PRKCE: variants seen among roughly 807,000 people sequenced by gnomAD.
The protein encoded by PRKCE is protein kinase C epsilon.
In PRKCE, 16 loss-of-function variants were observed where a neutral mutation model predicts 85.4. That is an observed-to-expected ratio of 0.19 (90% CI 0.13 to 0.28). The LOEUF is 0.28. Among genes scored for constraint, PRKCE ranks in the 10% least tolerant of loss-of-function variants. PRKCE has a pLI of 1.00. For synonymous variants in PRKCE, 388 were observed against 371.5 expected (o/e 1.04, Z -0.51); for missense variants, 573 against 975.2 (o/e 0.59, Z 5.49).
chr2:45,656,274 C>A (rs1469435422), intron 1 of PRKCE, among the ~76,000 whole-genome samples: 1 of 152,156 alleles, frequency 6.6e-6, no homozygotes, highest in East Asian at 1.9e-4. Context: ...CAGGGCTCTA[C>A]AATACAGAAA....
rs149847455 is a variant in PRKCE at position 45,833,979 on chromosome 2, C to T, written c.349-9021C>T. On this transcript the variant is annotated intron_variant, in intron 1 of 14. Transcript: ENST00000306156. ...TACACACTCTCCACATTAGTTTAGGCACTTTTGGATGTTTTCTCAGCTCAA... is the reference window on the plus strand; with the variant it reads ...TACACACTCTCCACATTAGTTTAGGTACTTTTGGATGTTTTCTCAGCTCAA... Among the ~76,000 whole-genome samples, 4 of 152,340 alleles carry T rather than the reference C, an allele frequency of 2.6e-5. No individual in the cohort carries two copies. The East Asian group carries it at 7.7e-4, about 29-fold the overall frequency.
intron 2 of PRKCE, among the ~76,000 whole-genome samples, chr2:45,867,282 G>T (rs1027426599): frequency 1.3e-5 from 2 of 152,192 alleles, no homozygotes; most frequent in Non-Finnish European, 2.9e-5. Flanking sequence ...TTGGAATAGG[G>T]TCGCCAGGAT....
intron 1 of PRKCE, among the ~76,000 whole-genome samples, chr2:45,815,527 C>G (rs914029761): frequency 6.6e-6 from 1 of 152,166 alleles, no homozygotes; most frequent in Non-Finnish European, 1.5e-5. Context: ...CTTCCTCGGT[C>G]CCCTCCATTA....
chr2:45,730,792 G>C (rs1025258379), intron 1 of PRKCE, among the ~76,000 whole-genome samples: 3 of 152,066 alleles, frequency 2.0e-5, no homozygotes, highest in African/African-American at 7.2e-5. Context: ...AGAGCTACCA[G>C]TTTCTTTTCT....
rs191769009 is a variant in PRKCE, at chr2:46,118,401, T to C, written c.1593-26692T>C. Among the ~76,000 whole-genome samples, 13 of 152,310 alleles carry C rather than the reference T, an allele frequency of 8.5e-5. No homozygotes were observed. In the East Asian group the frequency reaches 2.5e-3, roughly 29 times the overall value. ...ATTGGTAAAGGAGGTTTTCACAGCTTTTCCAAAGGTTTGAAAAAGAAAATA... is the reference window on the plus strand; with the variant it reads ...ATTGGTAAAGGAGGTTTTCACAGCTCTTCCAAAGGTTTGAAAAAGAAAATA... On this transcript the variant is annotated intron_variant, in intron 11 of 14. Coordinates refer to ENST00000306156, the MANE Select transcript of PRKCE (RefSeq NM_005400.3).
intron 14 of PRKCE, among the ~76,000 whole-genome samples, chr2:46,168,700 G>A (rs1009643549): frequency 3.3e-5 from 5 of 152,156 alleles, no homozygotes; most frequent in South Asian, 2.1e-4. Flanking sequence ...GGTAAAATCC[G>A]GCACCTGACT....
At chr2:46,142,617 T>G (rs1030581676) in intron 11 of PRKCE, among the ~76,000 whole-genome samples, 5 of 152,218 alleles carry the variant, frequency 3.3e-5, no homozygotes, top group Admixed American at 1.3e-4. Flanking sequence ...CTGCAGACCA[T>G]GCTTGGCTGT....
At chr2:45,924,992 G>A (rs1360100014) in intron 2 of PRKCE, among the ~76,000 whole-genome samples, 1 of 152,200 alleles carries the variant, frequency 6.6e-6, no homozygotes, top group Non-Finnish European at 1.5e-5. Context: ...GGGCTGCACA[G>A]CCAGAGTTCT....
chr2:46,070,585 G>A (rs1667996375), intron 10 of PRKCE, among the ~76,000 whole-genome samples: 1 of 152,088 alleles, frequency 6.6e-6, no homozygotes, highest in Non-Finnish European at 1.5e-5. Flanking sequence ...GGAGGTTGCA[G>A]TGAGCTGAGA....
At chr2:45,936,580 G>A (rs766291671) in intron 2 of PRKCE, among the ~76,000 whole-genome samples, 2 of 152,146 alleles carry the variant, frequency 1.3e-5, no homozygotes, top group Non-Finnish European at 2.9e-5. Flanking sequence ...TGTGGCTCTG[G>A]TGGAAGGGTT....
intron 5 of PRKCE, among the ~76,000 whole-genome samples, chr2:45,980,940 A>G (rs1183127618): frequency 6.6e-6 from 1 of 152,224 alleles, no homozygotes; most frequent in African/African-American, 2.4e-5. Flanking sequence ...TATTATCTTC[A>G]TTTTACAACA....
chr2:46,030,182 C>T (rs1401914177), intron 10 of PRKCE, among the ~76,000 whole-genome samples: 1 of 152,154 alleles, frequency 6.6e-6, no homozygotes, highest in African/African-American at 2.4e-5. Flanking sequence ...GGACAATATT[C>T]TAGGCATCCA....
chr2:46,134,939 A>T (rs534628452), intron 11 of PRKCE, among the ~76,000 whole-genome samples: 2 of 152,370 alleles, frequency 1.3e-5, no homozygotes, highest in South Asian at 4.1e-4. Context: ...TACTTTCATT[A>T]TTGTGGGTTA....
At chr2:45,711,086 C>T (rs945636405) in intron 1 of PRKCE, among the ~76,000 whole-genome samples, 2 of 152,198 alleles carry the variant, frequency 1.3e-5, no homozygotes, top group Non-Finnish European at 2.9e-5. Flanking sequence ...TTGAAGGGAG[C>T]GCAGCTCAGA....
chr2:45,967,003 A>G (rs949158762), intron 2 of PRKCE, among the ~76,000 whole-genome samples: 7 of 152,206 alleles, frequency 4.6e-5, no homozygotes, highest in African/African-American at 1.7e-4. Flanking sequence ...TTTTGGAAAG[A>G]TAAAAGAGAA....
chr2:45,964,235 C>T (rs1701583762), intron 2 of PRKCE, among the ~76,000 whole-genome samples: 2 of 152,222 alleles, frequency 1.3e-5, no homozygotes, highest in Admixed American at 1.3e-4. Context: ...GGCAGAGACC[C>T]TACTAAGACT....
At chr2:45,720,577 T>C (rs892362340) in intron 1 of PRKCE, among the ~76,000 whole-genome samples, 9 of 152,154 alleles carry the variant, frequency 5.9e-5, no homozygotes, top group Non-Finnish European at 1.2e-4. Context: ...GTATCCCTCT[T>C]TGCCCACATT....
intron 11 of PRKCE, among the ~76,000 whole-genome samples, chr2:46,132,645 T>C (rs939622731): frequency 5.3e-5 from 8 of 152,204 alleles, no homozygotes; most frequent in Non-Finnish European, 1.2e-4. Flanking sequence ...TCTAGGCCCA[T>C]AACAGGGCAT....
intron 11 of PRKCE, among the ~76,000 whole-genome samples, chr2:46,101,933 C>T (rs903801564): frequency 1.3e-5 from 2 of 150,202 alleles, no homozygotes; most frequent in Admixed American, 6.6e-5. Flanking sequence ...TATAAATATT[C>T]TCCCTGGGGC....
Sources: gnomAD v4.1 joint callset for allele counts (sites outside exome capture counted in the v4.1 genomes callset) on GRCh38, gnomAD v4.1.1 for gene constraint, MANE v1.5 for transcripts, NCBI Gene and HGNC (gene_info 2026-07-23, HGNC 2026-07-21) for gene names.